Variants in RYR2 observed in about 807,000 individuals in gnomAD.
RYR2 encodes cardiac muscle ryanodine receptor-calcium release channel.
A neutral mutation model predicts 601.1 loss-of-function variants in RYR2; 227 were observed. That is an observed-to-expected ratio of 0.38 (90% CI 0.34 to 0.42). RYR2 has a LOEUF of 0.42. RYR2 is among the 10% of genes least tolerant of loss of function. The pLI, the probability that RYR2 is intolerant of heterozygous loss-of-function variation, is 1.00. For missense variants in RYR2, 4,646 were observed against 6,156.5 expected (o/e 0.75, Z 8.21); for synonymous variants, 2,223 against 2,175.1 (o/e 1.02, Z -0.61).
At chr1:237,744,700 C>T (rs930042476) in intron 80 of RYR2, among the ~76,000 whole-genome samples, 3 of 134,908 alleles carry the variant, frequency 2.2e-5, no homozygotes, top group African/African-American at 5.5e-5. Flanking sequence ...GTAAACTATT[C>T]TACTTTGCCT....
At chr1:237,579,248 C>CTTTTTTTTTTTTTTTTTTTTTTTTTTTT (rs546960253) in intron 29 of RYR2, among the ~76,000 whole-genome samples, 1 of 68,094 alleles carries the variant, frequency 1.5e-5, no homozygotes, top group African/African-American at 4.9e-5. Flanking sequence ...TCTTCTTCTT[C>CTTTTTTTTTTTTTTTTTTTTTTTTTTTT]TTTTTTTTTT....
intron 1 of RYR2, among the ~76,000 whole-genome samples, chr1:237,183,418 A>G (rs565435839): frequency 6.6e-6 from 1 of 152,320 alleles, no homozygotes; most frequent in South Asian, 2.1e-4. Flanking sequence ...CGATTAAATA[A>G]AGGCTATGGG....
intron 36 of RYR2, among the ~76,000 whole-genome samples, chr1:237,612,359 T>C (rs1677974823): frequency 6.6e-6 from 1 of 152,172 alleles, no homozygotes; most frequent in African/African-American, 2.4e-5. Flanking sequence ...TAGTTATAGT[T>C]ACACAACTCC....
chr1:237,544,942 A>C (rs1255183458), intron 25 of RYR2, among the ~76,000 whole-genome samples: 1 of 152,186 alleles, frequency 6.6e-6, no homozygotes, highest in African/African-American at 2.4e-5. Flanking sequence ...TTTGTTGTTC[A>C]AAATAGGTGG....
intron 71 of RYR2, among the ~76,000 whole-genome samples, chr1:237,714,071 A>G (rs1227726019): frequency 6.6e-6 from 1 of 152,178 alleles, no homozygotes; most frequent in Non-Finnish European, 1.5e-5. Flanking sequence ...GGCAAAGGAA[A>G]GAGCTTGGCT....
At chr1:237,395,533 C>CTTTTTTTTTTTTTTTTT (rs71180022) in intron 10 of RYR2, among the ~76,000 whole-genome samples, 11 of 87,426 alleles carry the variant, frequency 1.3e-4, no homozygotes, top group African/African-American at 2.3e-4. Context: ...GTAGGACTGT[C>CTTTTTTTTTTTTTTTTT]TTTTTTTTTT....
intron 85 of RYR2, 138 bp downstream of exon 85, chr1:237,771,025 G>A (rs1045819264): frequency 1.7e-5 from 8 of 474,112 alleles, no homozygotes; most frequent in Non-Finnish European, 2.6e-5. Flanking sequence ...CTCTGCATTG[G>A]GAACTGGGAC....
chr1:237,542,456 G>T (rs1248669349), intron 25 of RYR2, among the ~76,000 whole-genome samples: 2 of 152,132 alleles, frequency 1.3e-5, no homozygotes, highest in African/African-American at 4.8e-5. Context: ...TATTACCAGG[G>T]CTGCTTATGT....
At chr1:237,191,721 G>T (rs1469091856) in intron 1 of RYR2, among the ~76,000 whole-genome samples, 1 of 152,114 alleles carries the variant, frequency 6.6e-6, no homozygotes, top group Admixed American at 6.5e-5. Context: ...TTCATTTAAT[G>T]ATCTAAACAG....
intron 1 of RYR2, among the ~76,000 whole-genome samples, chr1:237,148,899 T>G (rs943912774): frequency 2.6e-5 from 4 of 152,160 alleles, no homozygotes; most frequent in African/African-American, 9.7e-5. Flanking sequence ...AGATTGCCTT[T>G]GACCTCTATT....
At position 237,631,879 on chromosome 1, in the gene RYR2, T is replaced by C. The variant is rs76393743; in HGVS notation, c.6555+338T>C. Among the ~76,000 whole-genome samples, 20,064 of 79,746 alleles carry C rather than the reference T, an allele frequency of 0.25. 1,554 individuals are homozygous for C. The highest frequency in any genetic ancestry group is 0.42 in the African/African-American group (7,948 of 18,922). 52.3% of individuals were successfully genotyped at this position (79,746 alleles called of 152,430 possible). A position where few individuals can be genotyped will look rare whatever the true frequency, so the allele number is the denominator to read the frequency against. On this transcript the variant is annotated intron_variant, in intron 42 of 104. Transcript: ENST00000366574. Reference sequence around the variant, plus strand: ...TCCTGACCTCGTGATCCGCCCGCCTTGGCCTCCCCTCCCGAAGTGCTGGGA... The same window carrying C: ...TCCTGACCTCGTGATCCGCCCGCCTCGGCCTCCCCTCCCGAAGTGCTGGGA...
chr1:237,172,473 T>C (rs897775683), intron 1 of RYR2, among the ~76,000 whole-genome samples: 3 of 151,934 alleles, frequency 2.0e-5, no homozygotes, highest in African/African-American at 7.3e-5. Flanking sequence ...TAAAAACGGC[T>C]ATTTTTGATC....
At chr1:237,653,430 T>C (rs145377657) in intron 51 of RYR2, among the ~76,000 whole-genome samples, 1,736 of 152,318 alleles carry the variant, frequency 0.011, 29 homozygotes, top group Middle Eastern at 0.024. Flanking sequence ...TATTAGTAAA[T>C]GATTAACGTA....
Position 237,517,864 on chromosome 1 carries a change from A to G in RYR2, c.2822+6073A>G, listed in dbSNP as rs962695275. 5.9e-5 allele frequency among the ~76,000 whole-genome samples: 9 copies of G among 152,128 alleles called. No homozygotes were observed. In the East Asian group the frequency reaches 1.5e-3, roughly 26 times the overall value. On this transcript the variant is annotated intron_variant, in intron 24 of 104. Coordinates refer to ENST00000366574, the MANE Select transcript of RYR2 (RefSeq NM_001035.3). Reference sequence around the variant, plus strand: ...ATCATGTACCTAGTCCTCAAAAGGTATCCAGCGCATAACATTCTCAGATGC... The same window carrying G: ...ATCATGTACCTAGTCCTCAAAAGGTGTCCAGCGCATAACATTCTCAGATGC...
intron 17 of RYR2, chr1:237,471,189 C>A: frequency 1.3e-5 from 2 of 154,068 alleles, no homozygotes; most frequent in Middle Eastern, 1.3e-3. Context: ...ATGGAGCCGC[C>A]ATTTTGAACA....
At chr1:237,363,721 CATT>C (rs1380695120) in intron 4 of RYR2, among the ~76,000 whole-genome samples, 4 of 152,024 alleles carry the variant, frequency 2.6e-5, no homozygotes, top group African/African-American at 9.7e-5. Flanking sequence ...CATACGTACA[CATT>C]ATGTTTTGTA....
In RYR2 at chr1:237,674,835, T is replaced by C. The variant is rs983295716; in HGVS notation, c.8819T>C (p.Ile2940Thr). ...TATGTGGATGAAGCCCATCAGTATA[T>C]CCTGGAGTTTGGTAGGTACCATAGT... ...IRYVDEAHQY[I>T]LEFDGGSRGK... The change falls in exon 60 of 105, where the codon ATC becomes ACC. Residue 2940 changes from isoleucine (I) to threonine (T), a missense_variant. Physicochemically the swap from Ile to Thr is moderately conservative, Grantham distance 89 (BLOSUM62 -1). This residue lies in a region of RYR2 where 1,497 missense variants were observed against 1,842.6 expected (regional missense o/e 0.81). Transcript: ENST00000366574. The C allele has an allele frequency of 1.2e-6, 2 of 1,600,792 alleles. No individual in the cohort carries two copies. Among genetic ancestry groups the C allele is most frequent in the Non-Finnish European group, 1.7e-6 (2 of 1,168,974 alleles).
intron 1 of RYR2, among the ~76,000 whole-genome samples, chr1:237,095,084 T>C (rs1008168721): frequency 6.6e-6 from 1 of 152,242 alleles, no homozygotes; most frequent in Non-Finnish European, 1.5e-5. Context: ...CAGGTTATCG[T>C]TGCAAATTAA....
intron 3 of RYR2, among the ~76,000 whole-genome samples, chr1:237,354,613 G>A (rs1699139932): frequency 6.6e-6 from 1 of 151,898 alleles, no homozygotes; most frequent in South Asian, 2.1e-4. Context: ...GCACTGTGCT[G>A]GACATGCCTT....
Sources: gnomAD v4.1 joint callset for allele counts (sites outside exome capture counted in the v4.1 genomes callset) on GRCh38, gnomAD v4.1.1 for gene constraint, gnomAD v4.1.1 regional missense constraint, MANE v1.5 for transcripts, NCBI Gene and HGNC (gene_info 2026-07-23, HGNC 2026-07-21) for gene names.